Variants in TMTC2 observed in about 807,000 individuals in gnomAD.
TMTC2 encodes the protein protein O-mannosyl-transferase TMTC2.
TMTC2 carries 43 observed loss-of-function variants against 82.4 expected under a neutral mutation model. The ratio of observed to expected loss-of-function variants is 0.52; its 90% CI spans 0.41 to 0.67. TMTC2 has a LOEUF of 0.67. TMTC2 is among the 30% of genes least tolerant of loss of function. The pLI is 0.00. For synonymous variants in TMTC2, 408 were observed against 381.9 expected, an observed-to-expected ratio of 1.07 and a Z score of -0.80; for missense variants, 919 against 1,012.4, an observed-to-expected ratio of 0.91 and a Z score of 1.25.
chr12:82,724,799 T>A (rs1874372396), intron 1 of TMTC2, among the ~76,000 whole-genome samples: 1 of 152,202 alleles, frequency 6.6e-6, no homozygotes, highest in Non-Finnish European at 1.5e-5. Flanking sequence ...TGTCTTATAT[T>A]TTGTTTCTTA....
intron 1 of TMTC2, among the ~76,000 whole-genome samples, chr12:82,724,365 A>G (rs1390363939): frequency 2.0e-5 from 3 of 152,150 alleles, no homozygotes; most frequent in South Asian, 4.1e-4. Context: ...CGAATTGTAT[A>G]TGTATAACCC....
At chr12:82,949,691 AAT>A (rs1441089201) in intron 4 of TMTC2, among the ~76,000 whole-genome samples, 1 of 152,190 alleles carries the variant, frequency 6.6e-6, no homozygotes, top group Non-Finnish European at 1.5e-5. Flanking sequence ...ACGTTAATAT[AAT>A]GTCTAGAAAT....
chr12:83,124,782 A>G lies in TMTC2; in HGVS notation c.2332-7428A>G, dbSNP rs562285198. Among the ~76,000 whole-genome samples the G allele has an allele frequency of 3.9e-5, 6 of 152,220 alleles. No individual in the cohort carries two copies. In the East Asian group the frequency reaches 7.7e-4, roughly 20 times the overall value. ...GGCTGAAGAATTTGGATCCTTTTCTATAGTCATAAATCAAAACCTCTGAAA... is the reference window on the plus strand; with the variant it reads ...GGCTGAAGAATTTGGATCCTTTTCTGTAGTCATAAATCAAAACCTCTGAAA... On this transcript the variant is annotated intron_variant, in intron 11 of 11. Transcript: ENST00000321196.
chr12:83,077,913 G>A (rs1477603577), intron 11 of TMTC2, among the ~76,000 whole-genome samples: 1 of 143,030 alleles, frequency 7.0e-6, no homozygotes, highest in Admixed American at 7.2e-5. Flanking sequence ...TTTAACAGGG[G>A]CCTCAGCCAA....
intron 3 of TMTC2, among the ~76,000 whole-genome samples, chr12:82,929,084 TA>T (rs1875878299): frequency 6.6e-6 from 1 of 152,174 alleles, no homozygotes; most frequent in Non-Finnish European, 1.5e-5. Flanking sequence ...TGTTTTGTTT[TA>T]TTTTTTTGAG....
intron 9 of TMTC2, among the ~76,000 whole-genome samples, chr12:83,044,568 T>C (rs936791170): frequency 7.2e-5 from 11 of 152,164 alleles, no homozygotes; most frequent in Admixed American, 1.3e-4. Context: ...TTTAGGAGGT[T>C]ATTGCTGTCA....
At chr12:83,039,035 G>A (rs191090166) in intron 9 of TMTC2, among the ~76,000 whole-genome samples, 1 of 149,094 alleles carries the variant, frequency 6.7e-6, no homozygotes, top group East Asian at 2.1e-4. Context: ...GGGTTCAAGC[G>A]ATTCTCCAGC....
At chr12:82,850,715 T>C in intron 1 of TMTC2, among the ~76,000 whole-genome samples, 1 of 152,140 alleles carries the variant, frequency 6.6e-6, no homozygotes, top group East Asian at 1.9e-4. Flanking sequence ...AAGGAATTTT[T>C]AGTGAAATAT....
chr12:82,748,401 G>A (rs192055755), intron 1 of TMTC2, among the ~76,000 whole-genome samples: 10 of 152,308 alleles, frequency 6.6e-5, no homozygotes, highest in African/African-American at 2.4e-4. Flanking sequence ...GTTAAATACA[G>A]TATGCGCTTT....
chr12:82,863,090 A>T (rs1286803737), intron 2 of TMTC2, among the ~76,000 whole-genome samples: 2 of 152,064 alleles, frequency 1.3e-5, no homozygotes, highest in East Asian at 3.9e-4. Flanking sequence ...GCTTTGATGG[A>T]ATCTGTTATC....
intron 11 of TMTC2, among the ~76,000 whole-genome samples, chr12:83,071,201 C>T (rs1883102125): frequency 7.0e-6 from 1 of 143,878 alleles, no homozygotes; most frequent in African/African-American, 2.6e-5. Flanking sequence ...GTCGCCTAGA[C>T]TGGAGTGCAG....
chr12:82,968,312 A>C (rs1186956462), intron 7 of TMTC2, among the ~76,000 whole-genome samples: 1 of 152,178 alleles, frequency 6.6e-6, no homozygotes. Context: ...AAATTAAAAC[A>C]ATGCCTTTTA....
intron 4 of TMTC2, among the ~76,000 whole-genome samples, chr12:82,936,473 A>G (rs2137252959): frequency 6.6e-6 from 1 of 152,274 alleles, no homozygotes; most frequent in African/African-American, 2.4e-5. Context: ...CACAACAAAT[A>G]TAAATGTATA....
chr12:82,869,756 T>G (rs1872069336), intron 2 of TMTC2, among the ~76,000 whole-genome samples: 1 of 151,814 alleles, frequency 6.6e-6, no homozygotes, highest in Admixed American at 6.6e-5. Flanking sequence ...GGAGGATCAC[T>G]TCAGTCCAGG....
At chr12:83,060,046 C>A (rs575245519) in intron 10 of TMTC2, among the ~76,000 whole-genome samples, 6 of 151,474 alleles carry the variant, frequency 4.0e-5, no homozygotes, top group Non-Finnish European at 7.4e-5. Flanking sequence ...TGGAGGGAAC[C>A]TTTATTAAAT....
chr12:82,977,929 C>A (rs1002785734), intron 7 of TMTC2, among the ~76,000 whole-genome samples: 6 of 151,412 alleles, frequency 4.0e-5, no homozygotes, highest in Non-Finnish European at 7.4e-5. Context: ...AATAACAAAA[C>A]ACTGGAAGGA....
chr12:82,801,219 C>T (rs557662160), intron 1 of TMTC2, among the ~76,000 whole-genome samples: 4 of 151,938 alleles, frequency 2.6e-5, no homozygotes, highest in South Asian at 2.1e-4. Context: ...CGGACCCTTG[C>T]GGTGAGTGTT....
intron 1 of TMTC2, among the ~76,000 whole-genome samples, chr12:82,691,659 C>T (rs1872585147): frequency 6.6e-6 from 1 of 152,082 alleles, no homozygotes; most frequent in African/African-American, 2.4e-5. Flanking sequence ...GTGAAATAAT[C>T]ACTCTGTTAA....
intron 4 of TMTC2, among the ~76,000 whole-genome samples, chr12:82,942,919 AGT>A (rs1272308606): frequency 6.6e-6 from 1 of 152,250 alleles, no homozygotes; most frequent in African/African-American, 2.4e-5. Flanking sequence ...TGTGATTATT[AGT>A]TAAAATTATA....
Sources: gnomAD v4.1 joint callset for allele counts (sites outside exome capture counted in the v4.1 genomes callset) on GRCh38, gnomAD v4.1.1 for gene constraint, MANE v1.5 for transcripts, NCBI Gene and HGNC (gene_info 2026-07-23, HGNC 2026-07-21) for gene names.